Variants in ADAMTSL3 observed in about 807,000 individuals in gnomAD.
The protein encoded by ADAMTSL3 is ADAMTS-like protein 3.
In ADAMTSL3, 128 loss-of-function variants were observed where a neutral mutation model predicts 201.7. The observed-to-expected ratio is 0.63, with a 90% CI of 0.55 to 0.73. ADAMTSL3 has a LOEUF of 0.73. Among genes scored for constraint, ADAMTSL3 ranks in the 30% least tolerant of loss-of-function variants. The pLI, the probability that ADAMTSL3 is intolerant of heterozygous loss-of-function variation, is 0.00. For missense variants in ADAMTSL3, 1,990 were observed against 2,119.6 expected, an observed-to-expected ratio of 0.94 and a Z score of 1.20; for synonymous variants, 738 against 748.4, an observed-to-expected ratio of 0.99 and a Z score of 0.23.
At chr15:83,851,619 A>G (rs2064615416) in intron 7 of ADAMTSL3, among the ~76,000 whole-genome samples, 1 of 152,188 alleles carries the variant, frequency 6.6e-6, no homozygotes, top group African/African-American at 2.4e-5. Context: ...AATATGCTGT[A>G]TATGTGTTGT....
At chr15:83,906,648 A>G (rs1357724226) in intron 15 of ADAMTSL3, among the ~76,000 whole-genome samples, 3 of 149,118 alleles carry the variant, frequency 2.0e-5, no homozygotes, top group Admixed American at 1.3e-4. Context: ...ACACACACAC[A>G]CACACACACA....
At chr15:83,742,007 G>A (rs1031076698) in intron 3 of ADAMTSL3, among the ~76,000 whole-genome samples, 1 of 151,938 alleles carries the variant, frequency 6.6e-6, no homozygotes, top group Admixed American at 6.6e-5. Flanking sequence ...AATGTATATC[G>A]AACCTTCTGC....
At chr15:83,674,724 T>TACATATATAC (rs1555428932) in intron 2 of ADAMTSL3, among the ~76,000 whole-genome samples, 1 of 141,816 alleles carries the variant, frequency 7.1e-6, no homozygotes, top group Admixed American at 7.1e-5. Flanking sequence ...CACACATATA[T>TACATATATAC]ACATATATAC....
chr15:83,734,781 G>T (rs963120918), intron 3 of ADAMTSL3, among the ~76,000 whole-genome samples: 9 of 152,012 alleles, frequency 5.9e-5, no homozygotes, highest in Non-Finnish European at 1.2e-4. Context: ...TGCCCCCAGG[G>T]GTCACTCTCA....
chr15:83,783,890 A>G (rs1320607447), intron 4 of ADAMTSL3, among the ~76,000 whole-genome samples: 1 of 150,622 alleles, frequency 6.6e-6, no homozygotes, highest in Non-Finnish European at 1.5e-5. Flanking sequence ...TACTTCAAAT[A>G]TCAGGGATCT....
At chr15:83,987,647 A>T (rs2067503745) in intron 21 of ADAMTSL3, among the ~76,000 whole-genome samples, 1 of 152,252 alleles carries the variant, frequency 6.6e-6, no homozygotes, top group Non-Finnish European at 1.5e-5. Context: ...GAGGAAGGGC[A>T]TTTCAAATGA....
chr15:83,838,728 A>T (rs1459683230), intron 7 of ADAMTSL3, among the ~76,000 whole-genome samples: 3 of 152,072 alleles, frequency 2.0e-5, no homozygotes, highest in Non-Finnish European at 4.4e-5. Context: ...ATTGACTTTC[A>T]ATTTTGTGTA....
intron 2 of ADAMTSL3, among the ~76,000 whole-genome samples, chr15:83,691,735 C>T (rs556012136): frequency 4.6e-5 from 7 of 152,198 alleles, no homozygotes; most frequent in Admixed American, 2.0e-4. Context: ...CTGCCTCAGC[C>T]TCCCGAGTAG....
At chr15:83,704,356 C>A (rs758309996) in intron 2 of ADAMTSL3, 33 bp from the exon 3 acceptor site, 1 of 1,613,914 alleles carries the variant, frequency 6.2e-7, no homozygotes, top group South Asian at 1.1e-5. Flanking sequence ...CTTACTGGAG[C>A]CTTATTTGTG....
At chr15:83,815,180 T>A (rs1260347780) in intron 5 of ADAMTSL3, among the ~76,000 whole-genome samples, 1 of 152,220 alleles carries the variant, frequency 6.6e-6, no homozygotes. Flanking sequence ...TTTTTATTAC[T>A]TCTATCAGGT....
At chr15:83,725,772 A>G (rs183940138) in intron 3 of ADAMTSL3, among the ~76,000 whole-genome samples, 158 of 152,220 alleles carry the variant, frequency 1.0e-3, no homozygotes, top group South Asian at 3.9e-3. Context: ...TTATGGCAGT[A>G]CCATGATGTT....
At chr15:83,831,839 G>C (rs2064163470) in intron 6 of ADAMTSL3, among the ~76,000 whole-genome samples, 1 of 152,198 alleles carries the variant, frequency 6.6e-6, no homozygotes. Context: ...GAAAAGGAGA[G>C]AGTGGTTGAC....
At chr15:83,782,704 A>T (rs751051697) in intron 4 of ADAMTSL3, among the ~76,000 whole-genome samples, 1 of 152,116 alleles carries the variant, frequency 6.6e-6, no homozygotes, top group African/African-American at 2.4e-5. Context: ...GGGGAACAAC[A>T]TTCACTGGGA....
Position 83,982,944 on chromosome 15 carries a change from C to T in ADAMTSL3, c.3316C>T (p.Leu1106Phe), listed in dbSNP as rs754651173. 5 of 1,614,132 alleles carry T rather than the reference C, an allele frequency of 3.1e-6. No homozygotes were observed. In the South Asian group the frequency reaches 4.4e-5, roughly 14 times the overall value. ...TGAGCTGATAAGAAACATGAGTCAG[C>T]TCATGGAAACCGGAGAGGTCAGCGA... Reference protein sequence around the residue: ...FDELIRNMSQLMETGEVSDDL... With the variant: ...FDELIRNMSQFMETGEVSDDL... The change falls in exon 21 of 30, where the codon CTC becomes TTC. Residue 1106 changes from leucine to phenylalanine, a missense_variant. Coordinates refer to ENST00000286744, the MANE Select transcript of ADAMTSL3 (RefSeq NM_207517.3).
intron 3 of ADAMTSL3, among the ~76,000 whole-genome samples, chr15:83,748,217 C>G (rs543507085): frequency 6.6e-5 from 10 of 152,262 alleles, no homozygotes; most frequent in African/African-American, 2.4e-4. Flanking sequence ...GAACTATAGT[C>G]TAGCAGGGAA....
intron 15 of ADAMTSL3, among the ~76,000 whole-genome samples, chr15:83,901,041 T>C (rs1564472): frequency 0.63 from 95,324 of 152,028 alleles, 30,977 homozygotes; most frequent in African/African-American, 0.79. Flanking sequence ...TGGGTTACTT[T>C]GCTTTGAGAA....
At chr15:83,707,048 T>A (rs2061862925) in intron 3 of ADAMTSL3, among the ~76,000 whole-genome samples, 1 of 152,098 alleles carries the variant, frequency 6.6e-6, no homozygotes, top group African/African-American at 2.4e-5. Context: ...TATCAAACTT[T>A]TAAAAAATCC....
At chr15:83,774,246 T>C (rs1184850874) in intron 4 of ADAMTSL3, among the ~76,000 whole-genome samples, 2 of 152,228 alleles carry the variant, frequency 1.3e-5, no homozygotes, top group Non-Finnish European at 2.9e-5. Context: ...GAGCCCCAGA[T>C]TGATGGAATC....
At chr15:84,035,431 T>C (rs1220546870) in intron 28 of ADAMTSL3, among the ~76,000 whole-genome samples, 1 of 152,234 alleles carries the variant, frequency 6.6e-6, no homozygotes, top group African/African-American at 2.4e-5. Flanking sequence ...CAGTCTCTTC[T>C]CTGTTGTTCA....
Sources: gnomAD v4.1 joint callset for allele counts (sites outside exome capture counted in the v4.1 genomes callset) on GRCh38, gnomAD v4.1.1 for gene constraint, MANE v1.5 for transcripts, NCBI Gene and HGNC (gene_info 2026-07-23, HGNC 2026-07-21) for gene names.